Variants in SH3RF3 observed in about 807,000 individuals in gnomAD.
The protein encoded by SH3RF3 is E3 ubiquitin-protein ligase SH3RF3.
In SH3RF3, 29 loss-of-function variants were observed where a neutral mutation model predicts 66.3. The ratio of observed to expected loss-of-function variants is 0.44; its 90% CI spans 0.33 to 0.60. The LOEUF (loss-of-function observed/expected upper bound fraction) is 0.60, where lower values mean the gene tolerates loss of function less well. Ranked by LOEUF, SH3RF3 falls within the 20% of genes least tolerant of loss-of-function variation. SH3RF3 has a pLI of 0.04. For synonymous variants in SH3RF3, 583 were observed against 532.0 expected (o/e 1.10, Z -1.32); for missense variants, 1,194 against 1,190.9 (o/e 1.00, Z -0.04).
intron 1 of SH3RF3, among the ~76,000 whole-genome samples, chr2:109,329,849 A>T (rs1280844456): frequency 6.6e-6 from 1 of 152,216 alleles, no homozygotes; most frequent in Non-Finnish European, 1.5e-5. Context: ...GGAACTGCAC[A>T]AGAGAGAAAT....
At chr2:109,466,381 G>A (rs949704567) in intron 8 of SH3RF3, among the ~76,000 whole-genome samples, 2 of 152,234 alleles carry the variant, frequency 1.3e-5, no homozygotes, top group South Asian at 4.2e-4. Context: ...CGCCCAGCCT[G>A]TACATCTTTT....
At chr2:109,449,576 C>A in intron 8 of SH3RF3, 87 bp downstream of exon 8, 1 of 1,477,972 alleles carries the variant, frequency 6.8e-7, no homozygotes, top group Non-Finnish European at 9.1e-7. Flanking sequence ...GGCATTTGTG[C>A]AATTGAAGCT....
intron 7 of SH3RF3, among the ~76,000 whole-genome samples, chr2:109,439,807 G>A (rs1332597339): frequency 6.6e-6 from 1 of 152,038 alleles, no homozygotes; most frequent in East Asian, 1.9e-4. Flanking sequence ...AACCAGACAA[G>A]CCCCATTTCC....
intron 7 of SH3RF3, among the ~76,000 whole-genome samples, chr2:109,447,995 C>T (rs972686222): frequency 6.6e-6 from 1 of 152,168 alleles, no homozygotes; most frequent in Non-Finnish European, 1.5e-5. Context: ...CTCCTCCAGG[C>T]TGCTGCTGGG....
chr2:109,250,381 G>A (rs1472771145), intron 1 of SH3RF3, among the ~76,000 whole-genome samples: 1 of 151,992 alleles, frequency 6.6e-6, no homozygotes, highest in Admixed American at 6.6e-5. Context: ...TCTGAGCTTA[G>A]CAATGTAAGC....
intron 9 of SH3RF3, among the ~76,000 whole-genome samples, chr2:109,498,933 A>G (rs1463169657): frequency 6.6e-6 from 1 of 152,162 alleles, no homozygotes; most frequent in Admixed American, 6.5e-5. Context: ...TGGGGTCGCT[A>G]GGGCGCGGCA....
At chr2:109,187,241 G>C (rs949317454) in intron 1 of SH3RF3, among the ~76,000 whole-genome samples, 1 of 152,204 alleles carries the variant, frequency 6.6e-6, no homozygotes, top group Non-Finnish European at 1.5e-5. Flanking sequence ...AAATCTACTT[G>C]AAATTCCTAT....
At chr2:109,384,136 C>T (rs773627754) in intron 3 of SH3RF3, among the ~76,000 whole-genome samples, 5 of 152,224 alleles carry the variant, frequency 3.3e-5, no homozygotes, top group Non-Finnish European at 7.3e-5. Flanking sequence ...AGTGCCCTCC[C>T]CACAGTTCCT....
At chr2:109,455,872 A>G (rs879246994) in intron 8 of SH3RF3, among the ~76,000 whole-genome samples, 3 of 152,098 alleles carry the variant, frequency 2.0e-5, no homozygotes, top group Admixed American at 6.5e-5. Flanking sequence ...GCTCCCACCA[A>G]CCAGGGTGGG....
chr2:109,448,501 G>A (rs891354789), intron 7 of SH3RF3, among the ~76,000 whole-genome samples: 2 of 152,060 alleles, frequency 1.3e-5, no homozygotes, highest in Non-Finnish European at 2.9e-5. Context: ...CATTAGCAGC[G>A]GCATTAGGTT....
At chr2:109,158,289 T>C (rs1369840971) in intron 1 of SH3RF3, among the ~76,000 whole-genome samples, 1 of 152,186 alleles carries the variant, frequency 6.6e-6, no homozygotes. Context: ...TTGCCACTTG[T>C]CTCTTTCTGG....
At chr2:109,493,004 A>G (rs1197311132) in intron 9 of SH3RF3, among the ~76,000 whole-genome samples, 1 of 152,038 alleles carries the variant, frequency 6.6e-6, no homozygotes, top group Non-Finnish European at 1.5e-5. Flanking sequence ...CACTGTGCAA[A>G]CATACACTCA....
chr2:109,137,018 C>T (rs1446261949), intron 1 of SH3RF3, among the ~76,000 whole-genome samples: 2 of 152,208 alleles, frequency 1.3e-5, no homozygotes, highest in African/African-American at 2.4e-5. Flanking sequence ...CCATACACTA[C>T]AGTGGACACT....
rs372910658 is a variant in SH3RF3 at position 109,277,511 on chromosome 2, T to C, written c.574-70163T>C. ...GGGCAGCTGCTGCATCTCCGAGCAGTCCGTGGAATACCAAGTGACAGGCGC... is the reference window on the plus strand; with the variant it reads ...GGGCAGCTGCTGCATCTCCGAGCAGCCCGTGGAATACCAAGTGACAGGCGC... On this transcript the variant is annotated intron_variant, in intron 1 of 9. Coordinates refer to ENST00000309415, the MANE Select transcript of SH3RF3 (RefSeq NM_001099289.3). Among the ~76,000 whole-genome samples the C allele has an allele frequency of 4.6e-5, 7 of 152,326 alleles. No individual in the cohort carries two copies. The East Asian group carries it at 9.7e-4, about 21-fold the overall frequency.
chr2:109,305,513 C>G (rs10168124), intron 1 of SH3RF3, among the ~76,000 whole-genome samples: 47,238 of 152,006 alleles, frequency 0.31, 9,055 homozygotes, highest in African/African-American at 0.54. Flanking sequence ...CACCTTACTT[C>G]CCACTCTGGG....
chr2:109,196,973 G>GA (rs1678518564), intron 1 of SH3RF3, among the ~76,000 whole-genome samples: 1 of 152,200 alleles, frequency 6.6e-6, no homozygotes. Context: ...TGGGCACTGG[G>GA]AACAGGTGCT....
At chr2:109,253,789 A>G (rs1264049579) in intron 1 of SH3RF3, among the ~76,000 whole-genome samples, 1 of 152,220 alleles carries the variant, frequency 6.6e-6, no homozygotes, top group Non-Finnish European at 1.5e-5. Flanking sequence ...AAAGATTGCT[A>G]TATAGGTTGA....
rs371217042 is a variant in SH3RF3 at position 109,132,839 on chromosome 2, G to C, written c.573+2726G>C. ...AGCTAGCATCAATCAAATTGTTTCAGTGCAGTGGGAGTCTTGCTAAAAGAG... is the reference window on the plus strand; with the variant it reads ...AGCTAGCATCAATCAAATTGTTTCACTGCAGTGGGAGTCTTGCTAAAAGAG... On this transcript the variant is annotated intron_variant, in intron 1 of 9. Coordinates refer to ENST00000309415, the MANE Select transcript of SH3RF3 (RefSeq NM_001099289.3). Among the ~76,000 whole-genome samples the C allele has an allele frequency of 1.4e-4, 22 of 152,336 alleles. 1 individual carries two copies. In the South Asian group the frequency reaches 2.3e-3, roughly 16 times the overall value.
At position 109,170,264 on chromosome 2, in the gene SH3RF3, C is replaced by T. The variant is rs185682937; in HGVS notation, c.573+40151C>T. 3.8e-3 allele frequency among the ~76,000 whole-genome samples: 199 copies of T among 52,470 alleles called. 2 individuals are homozygous for T. Among genetic ancestry groups the T allele is most frequent in the African/African-American group, 8.1e-3 (142 of 17,474 alleles). The allele number at this position is 52,470 out of a possible 152,430, so 34.4% of individuals were successfully genotyped here. A position where few individuals can be genotyped will look rare whatever the true frequency, so the allele number is the denominator to read the frequency against. On this transcript the variant is annotated intron_variant, in intron 1 of 9. Coordinates refer to ENST00000309415, the MANE Select transcript of SH3RF3 (RefSeq NM_001099289.3). ...TTTCTTTTCTCTTCTCTTCTCTTCT[C>T]TTCTCTTCTCTTCTCTTCTCTTCTC...
Sources: allele counts gnomAD v4.1 joint callset (sites outside exome capture counted in the v4.1 genomes callset), GRCh38; gene constraint gnomAD v4.1.1; transcripts MANE v1.5; gene names NCBI Gene and HGNC (gene_info 2026-07-23, HGNC 2026-07-21).